Variants in KLKB1 observed in about 807,000 individuals in gnomAD.
KLKB1 encodes the protein kallikrein B1.
In KLKB1, 58 loss-of-function variants were observed where a neutral mutation model predicts 73.6. The ratio of observed to expected loss-of-function variants is 0.79; its 90% confidence interval spans 0.64 to 0.98. The LOEUF is 0.98. Among genes scored for constraint, KLKB1 ranks in the 50% least tolerant of loss-of-function variants. The pLI is 0.00. For missense variants in KLKB1, 737 were observed against 763.8 expected (o/e 0.96, Z 0.41); for synonymous variants, 280 against 258.1 (o/e 1.08, Z -0.81).
At chr4:186,231,945 A>G (rs573848787) in intron 2 of KLKB1, among the ~76,000 whole-genome samples, 182 bp from the exon 3 acceptor site, 1 of 152,384 alleles carries the variant, frequency 6.6e-6, no homozygotes, top group South Asian at 2.1e-4. Flanking sequence ...CCAGAAAATT[A>G]AATAACACTA....
chr4:186,228,445 G>A (rs1041055562), intron 2 of KLKB1, among the ~76,000 whole-genome samples, 192 bp downstream of exon 2: 9 of 152,212 alleles, frequency 5.9e-5, no homozygotes, highest in African/African-American at 2.2e-4. Context: ...GTAGACATAT[G>A]TTGCAGACCA....
chr4:186,228,591 T>A (rs750636917), intron 2 of KLKB1, among the ~76,000 whole-genome samples: 1 of 152,154 alleles, frequency 6.6e-6, no homozygotes, highest in Non-Finnish European at 1.5e-5. Context: ...CAGTAAAAAA[T>A]TAAACTTTAT....
intron 2 of KLKB1, among the ~76,000 whole-genome samples, chr4:186,229,939 T>C (rs940247384): frequency 2.0e-5 from 3 of 152,144 alleles, no homozygotes; most frequent in Admixed American, 6.5e-5. Context: ...AAGACTCTTA[T>C]GTTTTTTTTT....
chr4:186,251,348 A>AT lies in KLKB1; in HGVS notation c.868+21dup. 1 of 1,541,564 alleles carries AT rather than the reference A, an allele frequency of 6.5e-7. No individual in the cohort carries two copies. ...TACCTGGTAATGTGATTTGATAATA[A>AT]TATTACATAAAATGTAACCTATTTC... On this transcript the variant is annotated intron_variant, in intron 8 of 14. Coordinates refer to ENST00000264690, the MANE Select transcript of KLKB1 (RefSeq NM_000892.5).
At chr4:186,235,898 G>A (rs976757531) in intron 4 of KLKB1, among the ~76,000 whole-genome samples, 2 of 151,838 alleles carry the variant, frequency 1.3e-5, no homozygotes, top group African/African-American at 4.8e-5. Context: ...GGCGGATCAC[G>A]AGGTCAGGAG....
At chr4:186,223,540 T>G (rs1316968674), upstream of KLKB1, among the ~76,000 whole-genome samples, 1 of 152,220 alleles carries the variant, frequency 6.6e-6, no homozygotes, top group Non-Finnish European at 1.5e-5. Flanking sequence ...ATTTTGCCCC[T>G]GCCCTAGAGA....
At chr4:186,214,176 G>A (rs567472419) in intron 2 of KLKB1, among the ~76,000 whole-genome samples, 1 of 152,314 alleles carries the variant, frequency 6.6e-6, no homozygotes, top group South Asian at 2.1e-4. Flanking sequence ...AACCTCTGGA[G>A]CAGCTGCTGG....
At chr4:186,242,832 T>C (rs1054968736) in intron 6 of KLKB1, among the ~76,000 whole-genome samples, 11 of 151,864 alleles carry the variant, frequency 7.2e-5, no homozygotes, top group African/African-American at 2.7e-4. Context: ...GTTCTACCTT[T>C]CCTGAAGATT....
At chr4:186,235,136 A>G (rs1737591393) in intron 4 of KLKB1, among the ~76,000 whole-genome samples, 1 of 152,208 alleles carries the variant, frequency 6.6e-6, no homozygotes, top group African/African-American at 2.4e-5. Context: ...TAATAGGTGT[A>G]GTCTACGTGA....
rs925222658 is a variant in KLKB1 at position 186,212,362 on chromosome 4, A to G, written c.201+3090A>G. The G allele has an allele frequency of 2.0e-5, 3 of 152,196 alleles. No individual in the cohort carries two copies. Among genetic ancestry groups the G allele is most frequent in the Non-Finnish European group, 4.4e-5 (3 of 68,042 alleles). The allele number at this position is 152,196 out of a possible 1,614,324, so 9.4% of individuals were successfully genotyped here. ...AATATCTCACTTAGTTTAGGGTTAG[A>G]TCTTTAGTTAATTCAACCTTATAGA... On this transcript the variant is annotated intron_variant, in intron 2 of 14. Coordinates refer to the KLKB1 transcript ENST00000511608.
intron 2 of KLKB1, among the ~76,000 whole-genome samples, chr4:186,213,755 C>T (rs1325998711): frequency 6.6e-6 from 1 of 152,144 alleles, no homozygotes; most frequent in Non-Finnish European, 1.5e-5. Flanking sequence ...GACCAAATGA[C>T]CCAATAAGAG....
At chr4:186,224,992 C>G (rs557264752), upstream of KLKB1, among the ~76,000 whole-genome samples, 1 of 152,126 alleles carries the variant, frequency 6.6e-6, no homozygotes, top group Non-Finnish European at 1.5e-5. Flanking sequence ...GACAGTTTCC[C>G]CTGCACATAC....
At position 186,256,067 on chromosome 4, in the gene KLKB1, G is replaced by C; in HGVS notation, c.1565G>C (p.Trp522Ser). The C allele has an allele frequency of 6.2e-7, 1 of 1,609,602 alleles. No individual in the cohort carries two copies. Among genetic ancestry groups the C allele is most frequent in the Non-Finnish European group, 8.5e-7 (1 of 1,175,932 alleles). ...TATACCAACTGTTGGGTAACCGGAT[G>C]GGGCTTCTCGAAGGAGAAAGGTAAG... is the stretch of plus-strand genomic sequence containing the variant. ...TIYTNCWVTG[W>S]GFSKEKGEIQ... The change falls in exon 13 of 15, where the codon TGG (tryptophan) becomes TCG (serine). Residue 522 changes from tryptophan to serine, a missense_variant. Physicochemically the swap from Trp to Ser is radical, Grantham distance 177. Transcript: ENST00000264690.
chr4:186,229,627 A>G (rs1174467844), intron 2 of KLKB1, among the ~76,000 whole-genome samples: 4 of 152,198 alleles, frequency 2.6e-5, no homozygotes, highest in African/African-American at 9.7e-5. Context: ...GTATCATGAA[A>G]TTAGGTTTCA....
chr4:186,246,372 G>C (rs1413064738), intron 6 of KLKB1, among the ~76,000 whole-genome samples: 1 of 152,120 alleles, frequency 6.6e-6, no homozygotes, highest in Non-Finnish European at 1.5e-5. Flanking sequence ...GGGACAAGTT[G>C]CATTGGGAAC....
chr4:186,211,320 G>C (rs142737300), intron 2 of KLKB1: 1 of 151,652 alleles, frequency 6.6e-6, no homozygotes, highest in African/African-American at 2.4e-5. Flanking sequence ...TAGAGTTTTT[G>C]TTTGTTTGTT....
intron 4 of KLKB1, 88 bp downstream of exon 4, chr4:186,234,146 T>C: frequency 1.0e-6 from 1 of 959,126 alleles, no homozygotes; most frequent in African/African-American, 1.6e-5. Flanking sequence ...TGCTACAGCT[T>C]TTTGGAAGGC....
intron 2 of KLKB1, chr4:186,213,311 G>C (rs764544787): frequency 6.6e-6 from 1 of 152,164 alleles, no homozygotes; most frequent in Non-Finnish European, 1.5e-5. Flanking sequence ...CCTGAAAGAC[G>C]TGTCTCAAGA....
chr4:186,214,228 G>A (rs1736825336), intron 2 of KLKB1, among the ~76,000 whole-genome samples: 1 of 152,184 alleles, frequency 6.6e-6, no homozygotes, highest in South Asian at 2.1e-4. Context: ...CAGAATCCTG[G>A]AGGAACCTGA....
Sources: gnomAD v4.1 joint callset for allele counts (sites outside exome capture counted in the v4.1 genomes callset) on GRCh38, gnomAD v4.1.1 for gene constraint, MANE v1.5 for transcripts, NCBI Gene and HGNC (gene_info 2026-07-23, HGNC 2026-07-21) for gene names.